KCND2: variants seen among roughly 807,000 people sequenced by gnomAD.
The protein encoded by KCND2 is A-type voltage-gated potassium channel KCND2.
A neutral mutation model predicts 54.4 loss-of-function variants in KCND2; 16 were observed. The ratio of observed to expected loss-of-function variants is 0.29; its 90% confidence interval spans 0.20 to 0.45. The LOEUF (loss-of-function observed/expected upper bound fraction) is 0.45. KCND2 is among the 20% of genes least tolerant of loss of function. The probability of loss-of-function intolerance (pLI) is 1.00; values close to 1 mark genes in which losing one functional copy is unlikely to be tolerated. For missense variants in KCND2, 486 were observed against 824.2 expected, an observed-to-expected ratio of 0.59 and a Z score of 5.02; for synonymous variants, 317 against 310.7, an observed-to-expected ratio of 1.02 and a Z score of -0.21.
intron 1 of KCND2, among the ~76,000 whole-genome samples, chr7:120,535,097 T>C (rs115481860): frequency 1.4e-3 from 218 of 152,254 alleles, no homozygotes; most frequent in African/African-American, 4.9e-3. Flanking sequence ...AACCTTGCTA[T>C]TATAGTAATC....
At chr7:120,292,265 A>G (rs1360173974) in intron 1 of KCND2, among the ~76,000 whole-genome samples, 1 of 151,900 alleles carries the variant, frequency 6.6e-6, no homozygotes, top group Non-Finnish European at 1.5e-5. Flanking sequence ...TAAGAAAGCA[A>G]TGATTTAAAT....
At chr7:120,370,714 A>G (rs188287893) in intron 1 of KCND2, among the ~76,000 whole-genome samples, 1 of 152,168 alleles carries the variant, frequency 6.6e-6, no homozygotes, top group Admixed American at 6.6e-5. Flanking sequence ...CTTGTCCAAG[A>G]TAACAGCGGA....
At chr7:120,336,521 A>C in intron 1 of KCND2, among the ~76,000 whole-genome samples, 1 of 152,224 alleles carries the variant, frequency 6.6e-6, no homozygotes, top group South Asian at 2.1e-4. Context: ...TTACTTTATT[A>C]GTATAGGGAT....
intron 1 of KCND2, among the ~76,000 whole-genome samples, chr7:120,374,656 T>C (rs995182507): frequency 6.6e-6 from 1 of 151,864 alleles, no homozygotes; most frequent in Non-Finnish European, 1.5e-5. Flanking sequence ...GACTGTTTAA[T>C]GGGCAATTCA....
At chr7:120,506,127 AT>A (rs545651892) in intron 1 of KCND2, among the ~76,000 whole-genome samples, 3 of 151,348 alleles carry the variant, frequency 2.0e-5, no homozygotes, top group South Asian at 2.1e-4. Flanking sequence ...GATTTTTGAA[AT>A]TTTTTTTTCT....
chr7:120,449,514 G>T (rs1347765248), intron 1 of KCND2, among the ~76,000 whole-genome samples: 1 of 152,032 alleles, frequency 6.6e-6, no homozygotes, highest in Non-Finnish European at 1.5e-5. Flanking sequence ...ATTTGTGTTT[G>T]TTTTCATAAA....
chr7:120,583,808 C>A (rs1792552607), intron 1 of KCND2, among the ~76,000 whole-genome samples: 1 of 149,136 alleles, frequency 6.7e-6, no homozygotes, highest in South Asian at 2.1e-4. Flanking sequence ...AAATTCAGCA[C>A]ATAAAATTTA....
chr7:120,317,908 A>T (rs756367253), intron 1 of KCND2, among the ~76,000 whole-genome samples: 1 of 152,174 alleles, frequency 6.6e-6, no homozygotes, highest in Non-Finnish European at 1.5e-5. Context: ...AAACTTTAAG[A>T]TACACAATCT....
At chr7:120,639,624 C>A (rs965543620) in intron 1 of KCND2, among the ~76,000 whole-genome samples, 10 of 152,098 alleles carry the variant, frequency 6.6e-5, no homozygotes, top group Admixed American at 2.0e-4. Context: ...ATATTAAAGT[C>A]AGTTCAATCT....
chr7:120,514,160 G>A (rs1350636230), intron 1 of KCND2, among the ~76,000 whole-genome samples: 5 of 152,036 alleles, frequency 3.3e-5, no homozygotes, highest in Non-Finnish European at 7.4e-5. Context: ...TGGAAAAGAT[G>A]TGGCAAATCT....
intron 1 of KCND2, among the ~76,000 whole-genome samples, chr7:120,452,230 T>C (rs1011214324): frequency 2.0e-5 from 3 of 152,248 alleles, no homozygotes; most frequent in Admixed American, 6.5e-5. Context: ...TGGTTCTTCC[T>C]TTCTGCATCC....
chr7:120,747,187 T>C (rs1793017812), intron 5 of KCND2, among the ~76,000 whole-genome samples: 1 of 152,082 alleles, frequency 6.6e-6, no homozygotes, highest in South Asian at 2.1e-4. Flanking sequence ...TAGATAGTAA[T>C]AGATAATTTT....
Position 120,361,386 on chromosome 7 carries a change from G to A in KCND2, c.1115+85639G>A, listed in dbSNP as rs147074196. Reference sequence around the variant, plus strand: ...TTGGAAATGGGACAAGTTCTCTCTCGCTCTCTCTCTCTCTTTTTTTTTTTT... The same window carrying A: ...TTGGAAATGGGACAAGTTCTCTCTCACTCTCTCTCTCTCTTTTTTTTTTTT... On this transcript the variant is annotated intron_variant, in intron 1 of 5. Coordinates refer to ENST00000331113, the MANE Select transcript of KCND2 (RefSeq NM_012281.3). 1.9e-4 allele frequency among the ~76,000 whole-genome samples: 28 copies of A among 149,766 alleles called. No homozygotes were observed. In the East Asian group the frequency reaches 2.0e-3, roughly 10 times the overall value.
At chr7:120,510,196 T>C (rs1478991956) in intron 1 of KCND2, among the ~76,000 whole-genome samples, 2 of 152,164 alleles carry the variant, frequency 1.3e-5, no homozygotes, top group Non-Finnish European at 2.9e-5. Flanking sequence ...AAGTACAACA[T>C]ATTCTAGCTG....
At chr7:120,591,710 T>G (rs1036493308) in intron 1 of KCND2, among the ~76,000 whole-genome samples, 13 of 152,234 alleles carry the variant, frequency 8.5e-5, no homozygotes. Flanking sequence ...ATTAGTTATA[T>G]AATATTGGGC....
At chr7:120,491,037 G>A (rs6966670) in intron 1 of KCND2, among the ~76,000 whole-genome samples, 42,975 of 151,980 alleles carry the variant, frequency 0.28, 8,987 homozygotes, top group African/African-American at 0.57. Context: ...ATGCTTTCAC[G>A]TTGCTGAGAC....
chr7:120,679,942 C>T (rs1437158728), intron 1 of KCND2, among the ~76,000 whole-genome samples: 3 of 151,976 alleles, frequency 2.0e-5, no homozygotes, highest in Admixed American at 6.6e-5. Flanking sequence ...CTTTTCATAG[C>T]GTGGTTAGTG....
At chr7:120,661,404 T>G (rs570879067) in intron 1 of KCND2, among the ~76,000 whole-genome samples, 1 of 152,212 alleles carries the variant, frequency 6.6e-6, no homozygotes. Flanking sequence ...ATCCCAGCAC[T>G]TTGGGAGGCC....
chr7:120,580,729 T>C (rs997641037), intron 1 of KCND2, among the ~76,000 whole-genome samples: 1 of 152,194 alleles, frequency 6.6e-6, no homozygotes, highest in Non-Finnish European at 1.5e-5. Context: ...TTTACTATCT[T>C]ATACTTTCTG....
Sources: allele counts gnomAD v4.1 joint callset (sites outside exome capture counted in the v4.1 genomes callset), GRCh38; gene constraint gnomAD v4.1.1; transcripts MANE v1.5; gene names NCBI Gene and HGNC (gene_info 2026-07-23, HGNC 2026-07-21).